Variants in PSD3 observed in about 807,000 individuals in gnomAD.
PSD3 encodes pleckstrin and Sec7 domain containing 3.
A neutral mutation model predicts 105.5 loss-of-function variants in PSD3; 49 were observed. The observed-to-expected ratio is 0.46, with a 90% CI of 0.37 to 0.59. The LOEUF (loss-of-function observed/expected upper bound fraction) is 0.59, where lower values mean the gene tolerates loss of function less well. PSD3 is among the 20% of genes least tolerant of loss of function. PSD3 has a pLI of 0.00. For synonymous variants in PSD3, 557 were observed against 457.8 expected, an observed-to-expected ratio of 1.22 and a Z score of -2.77; for missense variants, 1,561 against 1,263.8, an observed-to-expected ratio of 1.24 and a Z score of -3.57.
exon 1 of PSD3, chr8:19,084,248 G>T (rs1260851309): frequency 4.4e-6 from 2 of 455,200 alleles, no homozygotes; most frequent in Non-Finnish European, 8.8e-6. Context: ...AGCCCTTGCT[G>T]GTGTGCACAG....
At chr8:18,799,870 C>T (rs953248308) in intron 7 of PSD3, among the ~76,000 whole-genome samples, 3 of 152,158 alleles carry the variant, frequency 2.0e-5, no homozygotes, top group Non-Finnish European at 4.4e-5. Context: ...TACACAAGTA[C>T]AGTAGACAAT....
intron 1 of PSD3, chr8:19,000,498 C>G (rs1344009392): frequency 1.6e-5 from 2 of 125,824 alleles, no homozygotes; most frequent in African/African-American, 2.9e-5. Flanking sequence ...ACAGCCTAAG[C>G]CTTTATCTAC....
chr8:18,561,137 C>A (rs999528726), intron 14 of PSD3, among the ~76,000 whole-genome samples: 11 of 152,306 alleles, frequency 7.2e-5, no homozygotes, highest in African/African-American at 2.6e-4. Flanking sequence ...GTGGCATTCT[C>A]ATGGTGAGAC....
At chr8:18,938,895 G>A (rs1469062462) in intron 1 of PSD3, among the ~76,000 whole-genome samples, 2 of 152,090 alleles carry the variant, frequency 1.3e-5, no homozygotes, top group Non-Finnish European at 2.9e-5. Flanking sequence ...GTGGCATTGC[G>A]GATGACTCCC....
chr8:18,543,506 T>C (rs1299346444), intron 15 of PSD3, among the ~76,000 whole-genome samples: 1 of 151,874 alleles, frequency 6.6e-6, no homozygotes, highest in Admixed American at 6.6e-5. Context: ...TAGTCCCAGC[T>C]ACTCGGGAGG....
At chr8:18,622,660 A>G (rs1405458634) in intron 11 of PSD3, among the ~76,000 whole-genome samples, 2 of 152,214 alleles carry the variant, frequency 1.3e-5, no homozygotes, top group Non-Finnish European at 2.9e-5. Flanking sequence ...ATGAATGGTG[A>G]AATAATTACC....
chr8:18,778,908 T>C (rs1050707718), intron 8 of PSD3, among the ~76,000 whole-genome samples: 1 of 152,102 alleles, frequency 6.6e-6, no homozygotes. Context: ...AATACTGGCC[T>C]ATAGTGTTTT....
intron 14 of PSD3, among the ~76,000 whole-genome samples, chr8:18,561,399 T>A (rs1015649496): frequency 1.3e-5 from 2 of 152,158 alleles, no homozygotes; most frequent in African/African-American, 2.4e-5. Context: ...TATTGGATGA[T>A]CTCATATATG....
At chr8:18,812,448 G>C (rs1001138987) in intron 4 of PSD3, among the ~76,000 whole-genome samples, 2 of 152,160 alleles carry the variant, frequency 1.3e-5, no homozygotes, top group Admixed American at 6.5e-5. Context: ...ATCACTCTAA[G>C]TATTGCTTTG....
chr8:18,681,929 C>T (rs540129919), intron 9 of PSD3, among the ~76,000 whole-genome samples: 1 of 151,634 alleles, frequency 6.6e-6, no homozygotes, highest in Non-Finnish European at 1.5e-5. Context: ...TTTAAGGTAT[C>T]ATGTGATGGC....
At chr8:18,878,499 A>C (rs1280306185) in intron 2 of PSD3, among the ~76,000 whole-genome samples, 2 of 152,190 alleles carry the variant, frequency 1.3e-5, no homozygotes, top group African/African-American at 2.4e-5. Context: ...AATACCCTGA[A>C]AAGATTTGTT....
rs374345715 is a variant in PSD3, at chr8:18,756,889, T to G, written c.2172+8560A>C. Among the ~76,000 whole-genome samples the G allele has an allele frequency of 1.1e-4, 16 of 148,780 alleles. No homozygotes were observed. The East Asian group carries it at 2.9e-3, about 27-fold the overall frequency. On this transcript the variant is annotated intron_variant, in intron 9 of 15. Coordinates refer to ENST00000327040, the MANE Select transcript of PSD3 (RefSeq NM_015310.4). The stretch of plus-strand genomic sequence containing the variant: ...AGTCACTAGCAACACTAAGACAGGC[T>G]TAGAGCCCAGCGACTTCCATAACCC...
At chr8:18,874,145 TTTTTA>T (rs146118813) in intron 2 of PSD3, among the ~76,000 whole-genome samples, 18 of 151,824 alleles carry the variant, frequency 1.2e-4, no homozygotes, top group Non-Finnish European at 1.8e-4. Context: ...GTTGTTACCA[TTTTTA>T]TTTTATTTTA....
chr8:18,945,283 T>C (rs1477577586), intron 1 of PSD3, among the ~76,000 whole-genome samples: 1 of 142,418 alleles, frequency 7.0e-6, no homozygotes, highest in Non-Finnish European at 1.5e-5. Context: ...ACATCACATG[T>C]ATCCTTATAA....
chr8:18,971,522 G>A (rs1467726308), intron 1 of PSD3, among the ~76,000 whole-genome samples: 1 of 152,192 alleles, frequency 6.6e-6, no homozygotes, highest in Non-Finnish European at 1.5e-5. Flanking sequence ...CAGATCACAG[G>A]CCCAATCTGA....
intron 1 of PSD3, among the ~76,000 whole-genome samples, chr8:18,980,118 A>G (rs1825174593): frequency 6.6e-6 from 1 of 152,260 alleles, no homozygotes; most frequent in Non-Finnish European, 1.5e-5. Flanking sequence ...TACACACATG[A>G]TAAATGCTAC....
At chr8:18,666,644 TC>T (rs1303408927) in intron 9 of PSD3, among the ~76,000 whole-genome samples, 1 of 150,872 alleles carries the variant, frequency 6.6e-6, no homozygotes, top group Non-Finnish European at 1.5e-5. Flanking sequence ...TGGAGAAAGC[TC>T]CATGTACAAG....
chr8:19,065,917 A>G (rs983598317), intron 1 of PSD3, among the ~76,000 whole-genome samples: 9 of 152,164 alleles, frequency 5.9e-5, no homozygotes, highest in Admixed American at 2.0e-4. Context: ...ACCGCCTCCA[A>G]TCTGAAGCTA....
chr8:18,564,404 G>A (rs1323226441), intron 14 of PSD3, among the ~76,000 whole-genome samples: 6 of 152,060 alleles, frequency 3.9e-5, no homozygotes, highest in East Asian at 1.9e-4. Context: ...CGATGCGGGC[G>A]GATCACCTGA....
Sources: gnomAD v4.1 joint callset for allele counts (sites outside exome capture counted in the v4.1 genomes callset) on GRCh38, gnomAD v4.1.1 for gene constraint, MANE v1.5 for transcripts, NCBI Gene and HGNC (gene_info 2026-07-23, HGNC 2026-07-21) for gene names.